SH3KBP1: variants seen among roughly 807,000 people sequenced by gnomAD.
SH3KBP1 encodes SH3 domain containing kinase binding protein 1, also known as SH3 domain-containing kinase-binding protein 1.
Under a neutral mutation model 50.1 loss-of-function variants are expected in SH3KBP1, and 8 were observed. The observed-to-expected ratio is 0.16, with a 90% CI of 0.09 to 0.29. The LOEUF is 0.29. Ranked by LOEUF, SH3KBP1 falls within the 10% of genes least tolerant of loss-of-function variation. The probability of loss-of-function intolerance (pLI) is 1.00; values close to 1 mark genes in which losing one functional copy is unlikely to be tolerated. For missense variants in SH3KBP1, 377 were observed against 535.2 expected (o/e 0.70, Z 2.92); for synonymous variants, 227 against 218.6 (o/e 1.04, Z -0.34).
Position 19,687,563 on chromosome X carries a change from A to C in SH3KBP1, c.521-3535T>G, listed in dbSNP as rs768999423. 38 of 1,009,902 alleles carry C rather than the reference A, an allele frequency of 3.8e-5. No individual in the cohort carries two copies. In the Middle Eastern group the frequency reaches 1.3e-3, roughly 34 times the overall value. The allele number at this position is 1,009,902 out of a possible 1,213,427, so 83.2% of individuals were successfully genotyped here. ...GGAAAGGGCAGCTGCATCAAAAAAC[A>C]CAAGTACCCAGATCTTATCTTTACA... On this transcript the variant is annotated intron_variant, in intron 5 of 17. Transcript: ENST00000397821.
At chrX:19,793,591 T>C (rs2066611355) in intron 2 of SH3KBP1, among the ~76,000 whole-genome samples, 1 of 110,870 alleles carries the variant, frequency 9.0e-6, no homozygotes, top group African/African-American at 3.3e-5. Context: ...TAAAGCACCA[T>C]GCACATGTGA....
chrX:19,604,555 A>C (rs1057200045), intron 9 of SH3KBP1, among the ~76,000 whole-genome samples: 1 of 112,202 alleles, frequency 8.9e-6, no homozygotes, highest in African/African-American at 3.2e-5. Flanking sequence ...GAATGATTGT[A>C]ACCCCAGTCA....
At chrX:19,728,039 T>C (rs1256254152) in intron 3 of SH3KBP1, among the ~76,000 whole-genome samples, 1 of 112,027 alleles carries the variant, frequency 8.9e-6, no homozygotes, top group African/African-American at 3.2e-5. Flanking sequence ...GAGAAGGAAC[T>C]GGCAGCTAGA....
intron 7 of SH3KBP1, among the ~76,000 whole-genome samples, chrX:19,641,195 A>C (rs946083723): frequency 4.4e-5 from 5 of 112,404 alleles, no homozygotes; most frequent in African/African-American, 1.6e-4. Context: ...GCTGGTAAGA[A>C]GAGAGGGTCT....
intron 3 of SH3KBP1, among the ~76,000 whole-genome samples, chrX:19,742,563 T>TTTTG (rs202018961): frequency 2.4e-4 from 27 of 111,183 alleles, no homozygotes; most frequent in Middle Eastern, 9.5e-3. Flanking sequence ...AATGCGTTTT[T>TTTTG]TTTGTTTGTT....
intron 2 of SH3KBP1, among the ~76,000 whole-genome samples, chrX:19,785,407 G>A (rs2066313030): frequency 9.1e-6 from 1 of 109,623 alleles, no homozygotes; most frequent in South Asian, 3.9e-4. Context: ...ACGTACCTGT[G>A]GTCCCAGCTA....
rs1445540627 is a variant in SH3KBP1 at position 19,804,894 on chromosome X, C to A, written c.162+31231G>T. On this transcript the variant is annotated intron_variant, in intron 2 of 17. Coordinates refer to ENST00000397821, the MANE Select transcript of SH3KBP1 (RefSeq NM_031892.3). ...CAGCCCAAACCCTACCCCCCCCCCC[C>A]CACCCGCTGCCATCACAATCTGCCT... Among the ~76,000 whole-genome samples the A allele has an allele frequency of 5.7e-5, 5 of 87,451 alleles. 1 individual carries two copies. Among genetic ancestry groups the A allele is most frequent in the East Asian group, 4.3e-4 (1 of 2,322 alleles). The allele number at this position is 87,451 out of a possible 115,157, so 75.9% of individuals were successfully genotyped here. A position where few individuals can be genotyped will look rare whatever the true frequency, so the allele number is the denominator to read the frequency against.
chrX:19,599,960 G>A (rs1307146363), intron 9 of SH3KBP1, among the ~76,000 whole-genome samples: 2 of 109,129 alleles, frequency 1.8e-5, no homozygotes, highest in African/African-American at 3.3e-5. Context: ...ACGGTGAAAC[G>A]CCGTCTCTAC....
chrX:19,836,169 G>T lies in SH3KBP1; in HGVS notation c.118C>A (p.Gln40Lys), dbSNP rs1194410423. The change falls in exon 2 of 18, where the codon CAG (glutamine) becomes AAG (lysine). Residue 40 changes from glutamine (Q) to lysine (K), a missense_variant. Transcript: ENST00000397821. ...RKEDGGWWEG[Q>K]INGRRGLFPD... ...AACAAACCTCTCCTGCCGTTGATCT[G>T]TCCCTCCCACCAGCCTCCATCCTCC... 8.3e-7 allele frequency: 1 copy of T among 1,208,710 alleles called. No homozygotes were observed. The highest frequency in any genetic ancestry group is 1.1e-6 in the Non-Finnish European group (1 of 894,657).
intron 2 of SH3KBP1, among the ~76,000 whole-genome samples, chrX:19,760,690 G>A (rs902921523): frequency 4.5e-5 from 5 of 110,788 alleles, no homozygotes; most frequent in African/African-American, 1.3e-4. Flanking sequence ...CACTGAGAGC[G>A]TAACCTTGGT....
At chrX:19,625,618 G>C (rs1022491706) in intron 8 of SH3KBP1, among the ~76,000 whole-genome samples, 7 of 112,114 alleles carry the variant, frequency 6.2e-5, no homozygotes, top group African/African-American at 2.3e-4. Flanking sequence ...CGGAAACATA[G>C]ATTTCAAAAC....
intron 6 of SH3KBP1, chrX:19,670,752 C>T (rs2062767549): frequency 2.4e-6 from 2 of 825,517 alleles, no homozygotes; most frequent in African/African-American, 4.4e-5. Context: ...TTTCAACCCA[C>T]TAATGCAAAC....
chrX:19,773,438 A>C (rs1169160552), intron 2 of SH3KBP1, among the ~76,000 whole-genome samples: 2 of 110,095 alleles, frequency 1.8e-5, no homozygotes, highest in African/African-American at 6.6e-5. Flanking sequence ...CTGAACTCAA[A>C]TGCAAATTTT....
At chrX:19,758,744 G>A (rs936847211) in intron 2 of SH3KBP1, among the ~76,000 whole-genome samples, 10 of 111,556 alleles carry the variant, frequency 9.0e-5, no homozygotes, top group Middle Eastern at 4.6e-3. Context: ...TCCAAGGGCC[G>A]TTTCTGCTGT....
rs2063278965 is a variant in SH3KBP1 at position 19,691,287 on chromosome X, T to TCTCGCACG, written c.520+4317_520+4324dup. On this transcript the variant is annotated intron_variant, in intron 5 of 17. Transcript: ENST00000397821. ...ATCACCACCTAGGTGGCAGGTTTACTCTCGCACGCACGCACGCATGCGCAC... is the reference window on the plus strand; with the variant it reads ...ATCACCACCTAGGTGGCAGGTTTACTCTCGCACGCTCGCACGCACGCACGCATGCGCAC... 3.8e-5 allele frequency among the ~76,000 whole-genome samples: 4 copies of TCTCGCACG among 105,394 alleles called. No homozygotes were observed. In the South Asian group the frequency reaches 1.7e-3, roughly 45 times the overall value. The allele number at this position is 105,394 out of a possible 115,157, so 91.5% of individuals were successfully genotyped here. A position where few individuals can be genotyped will look rare whatever the true frequency, so the allele number is the denominator to read the frequency against.
chrX:19,786,172 C>T (rs1243543454), intron 2 of SH3KBP1, among the ~76,000 whole-genome samples: 1 of 111,425 alleles, frequency 9.0e-6, no homozygotes, highest in Non-Finnish European at 1.9e-5. Flanking sequence ...CTTTTCCCAC[C>T]TAAGCATCTA....
intron 2 of SH3KBP1, among the ~76,000 whole-genome samples, chrX:19,765,533 C>T (rs2065579013): frequency 9.0e-6 from 1 of 111,444 alleles, no homozygotes; most frequent in Non-Finnish European, 1.9e-5. Flanking sequence ...TTACTGCCTC[C>T]CTTTTTAAAA....
intron 8 of SH3KBP1, among the ~76,000 whole-genome samples, chrX:19,624,889 A>G (rs1261532136): frequency 8.9e-6 from 1 of 112,262 alleles, no homozygotes; most frequent in Non-Finnish European, 1.9e-5. Flanking sequence ...TCCCAGACCT[A>G]TGCTTAACTT....
chrX:19,856,950 T>TG (rs2068659961), intron 1 of SH3KBP1, among the ~76,000 whole-genome samples: 4 of 66,909 alleles, frequency 6.0e-5, no homozygotes, highest in Admixed American at 1.9e-4. Flanking sequence ...CTAATACTAG[T>TG]CTTTTTTTTT....
Sources: gnomAD v4.1 joint callset for allele counts (sites outside exome capture counted in the v4.1 genomes callset) on GRCh38, gnomAD v4.1.1 for gene constraint, MANE v1.5 for transcripts, NCBI Gene and HGNC (gene_info 2026-07-23, HGNC 2026-07-21) for gene names.